Variants in KLHL1 observed in about 807,000 individuals in gnomAD.
KLHL1 encodes kelch like family member 1.
A neutral mutation model predicts 77.7 loss-of-function variants in KLHL1; 47 were observed. The observed-to-expected ratio is 0.60, with a 90% CI of 0.48 to 0.77. The LOEUF is 0.77. KLHL1 is among the 30% of genes least tolerant of loss of function. The probability of loss-of-function intolerance (pLI) is 0.00; values close to 1 mark genes in which losing one functional copy is unlikely to be tolerated. For missense variants in KLHL1, 925 were observed against 910.8 expected (o/e 1.02, Z -0.20); for synonymous variants, 360 against 325.2 (o/e 1.11, Z -1.15).
intron 7 of KLHL1, among the ~76,000 whole-genome samples, chr13:69,790,132 C>CTTAGT (rs1282560659): frequency 1.5e-4 from 23 of 152,278 alleles, no homozygotes; most frequent in Admixed American, 9.2e-4. Flanking sequence ...TTATGGATCA[C>CTTAGT]TTAGTTTATC....
chr13:69,779,798 ATTTAT>A (rs1406841366), intron 7 of KLHL1, among the ~76,000 whole-genome samples: 2,270 of 151,688 alleles, frequency 0.015, 54 homozygotes, highest in African/African-American at 0.05. Flanking sequence ...TTTATTTTTT[ATTTAT>A]TTTATTTTAT....
At chr13:69,852,976 C>G (rs1256616091) in intron 5 of KLHL1, among the ~76,000 whole-genome samples, 1 of 151,932 alleles carries the variant, frequency 6.6e-6, no homozygotes, top group Non-Finnish European at 1.5e-5. Flanking sequence ...TTTATTGGTT[C>G]CTAACTTAAA....
At chr13:69,812,064 A>T (rs961485339) in intron 6 of KLHL1, among the ~76,000 whole-genome samples, 4 of 147,562 alleles carry the variant, frequency 2.7e-5, no homozygotes, top group Non-Finnish European at 6.1e-5. Context: ...CCCTCTACAC[A>T]CTGCTTTAAA....
Position 69,993,037 on chromosome 13 carries a change from T to C in KLHL1, c.498-17235A>G, listed in dbSNP as rs572934526. 1.4e-3 allele frequency among the ~76,000 whole-genome samples: 207 copies of C among 152,120 alleles called. 2 individuals are homozygous for C. The highest frequency in any genetic ancestry group is 4.8e-3 in the African/African-American group (200 of 41,530). On this transcript the variant is annotated intron_variant, in intron 1 of 10. Coordinates refer to ENST00000377844, the MANE Select transcript of KLHL1 (RefSeq NM_020866.3). ...ATTAAACTGCCATAAGCAGGCCTAA[T>C]CATTTTTAGTGTCAACTAACACTAT...
chr13:70,057,634 G>A (rs1384425282), intron 1 of KLHL1, among the ~76,000 whole-genome samples: 1 of 150,216 alleles, frequency 6.7e-6, no homozygotes, highest in Non-Finnish European at 1.5e-5. Flanking sequence ...AAATTAGCCG[G>A]GTGCGGTGGC....
intron 2 of KLHL1, among the ~76,000 whole-genome samples, chr13:69,972,890 C>T (rs950756459): frequency 6.6e-6 from 1 of 151,876 alleles, no homozygotes; most frequent in Non-Finnish European, 1.5e-5. Flanking sequence ...TAATTTTCCT[C>T]ATCTGAATCT....
intron 7 of KLHL1, among the ~76,000 whole-genome samples, chr13:69,763,145 G>T (rs759201706): frequency 4.7e-4 from 71 of 152,220 alleles, no homozygotes; most frequent in Non-Finnish European, 9.3e-4. Flanking sequence ...CAAAGGCCAC[G>T]GTTGCACAAC....
At chr13:69,870,016 T>C (rs1232161783) in intron 5 of KLHL1, among the ~76,000 whole-genome samples, 1 of 152,116 alleles carries the variant, frequency 6.6e-6, no homozygotes, top group African/African-American at 2.4e-5. Context: ...TTTAGTAAAT[T>C]GATAGGTTTT....
At chr13:69,811,837 T>C (rs1238072971) in intron 6 of KLHL1, among the ~76,000 whole-genome samples, 1 of 152,170 alleles carries the variant, frequency 6.6e-6, no homozygotes, top group Non-Finnish European at 1.5e-5. Flanking sequence ...GTTTTGTTGA[T>C]GTTTTCAAAA....
intron 4 of KLHL1, among the ~76,000 whole-genome samples, chr13:69,909,593 T>C (rs1882167215): frequency 6.6e-6 from 1 of 152,038 alleles, no homozygotes; most frequent in South Asian, 2.1e-4. Flanking sequence ...CAAATACTTT[T>C]TCAATAATTT....
At chr13:70,002,607 C>T (rs1481375253) in intron 1 of KLHL1, among the ~76,000 whole-genome samples, 2 of 151,494 alleles carry the variant, frequency 1.3e-5, no homozygotes, top group Admixed American at 6.6e-5. Flanking sequence ...ATCCAAAAAT[C>T]TCAGTGAACC....
intron 7 of KLHL1, 134 bp downstream of exon 7, chr13:69,796,604 T>G (rs1877116938): frequency 1.4e-6 from 1 of 693,514 alleles, no homozygotes; most frequent in African/African-American, 1.8e-5. Flanking sequence ...TTTTCTATGT[T>G]AATTACCCAG....
chr13:69,709,894 TA>T (rs1875801007), intron 9 of KLHL1, among the ~76,000 whole-genome samples: 1 of 99,030 alleles, frequency 1.0e-5, no homozygotes, highest in African/African-American at 2.7e-5. Flanking sequence ...CAAATAACTT[TA>T]AAGTGAATAA....
At chr13:69,846,079 G>A (rs1879446787) in intron 5 of KLHL1, among the ~76,000 whole-genome samples, 1 of 150,952 alleles carries the variant, frequency 6.6e-6, no homozygotes. Flanking sequence ...TATCATACAA[G>A]ACAACAAACT....
At chr13:69,789,264 T>G (rs1269321410) in intron 7 of KLHL1, among the ~76,000 whole-genome samples, 1 of 143,830 alleles carries the variant, frequency 7.0e-6, no homozygotes. Context: ...TTTTAAATTA[T>G]TTTACATGTC....
At chr13:69,823,254 G>A (rs1057019776) in intron 6 of KLHL1, among the ~76,000 whole-genome samples, 1 of 152,060 alleles carries the variant, frequency 6.6e-6, no homozygotes, top group Non-Finnish European at 1.5e-5. Context: ...ATGTCTCAGA[G>A]AAATAGGAAA....
At chr13:70,024,335 C>T (rs73212590) in intron 1 of KLHL1, among the ~76,000 whole-genome samples, 5,187 of 151,816 alleles carry the variant, frequency 0.034, 131 homozygotes, top group Admixed American at 0.058. Flanking sequence ...CATAACACTT[C>T]TGAATTGTAA....
intron 1 of KLHL1, among the ~76,000 whole-genome samples, chr13:70,034,597 A>C (rs985140987): frequency 1.3e-5 from 2 of 152,268 alleles, no homozygotes; most frequent in Non-Finnish European, 2.9e-5. Context: ...CAGAAAACAC[A>C]GAAAAATATA....
At chr13:69,866,960 A>C (rs565368597) in intron 5 of KLHL1, among the ~76,000 whole-genome samples, 91 of 152,254 alleles carry the variant, frequency 6.0e-4, no homozygotes, top group Non-Finnish European at 7.2e-4. Context: ...TAATCATTAC[A>C]CATATATTTA....
Sources: gnomAD v4.1 joint callset for allele counts (sites outside exome capture counted in the v4.1 genomes callset) on GRCh38, gnomAD v4.1.1 for gene constraint, MANE v1.5 for transcripts, NCBI Gene and HGNC (gene_info 2026-07-23, HGNC 2026-07-21) for gene names.